Variants in EHD4 observed in about 807,000 individuals in gnomAD.
EHD4 encodes the protein EH domain-containing protein 4.
EHD4 carries 37 observed loss-of-function variants against 51.0 expected under a neutral mutation model. The ratio of observed to expected loss-of-function variants is 0.73; its 90% CI spans 0.56 to 0.95. The LOEUF (loss-of-function observed/expected upper bound fraction) is 0.95. EHD4 is among the 40% of genes least tolerant of loss of function. The probability of loss-of-function intolerance (pLI) is 0.00; values close to 1 mark genes in which losing one functional copy is unlikely to be tolerated. For missense variants in EHD4, 632 were observed against 733.1 expected (o/e 0.86, Z 1.59); for synonymous variants, 297 against 317.3 (o/e 0.94, Z 0.68).
At chr15:41,963,946 C>G (rs949020800) in intron 1 of EHD4, among the ~76,000 whole-genome samples, 3 of 151,608 alleles carry the variant, frequency 2.0e-5, no homozygotes, top group Non-Finnish European at 2.9e-5. Flanking sequence ...GAGATCGAGA[C>G]CATCCTGGCT....
intron 3 of EHD4, among the ~76,000 whole-genome samples, chr15:41,930,288 G>A (rs181230120): frequency 1.1e-3 from 172 of 152,298 alleles, no homozygotes; most frequent in African/African-American, 3.8e-3. Context: ...TTTCAAGTGG[G>A]CTTTGTGTAT....
chr15:41,955,831 T>C (rs1158566153), intron 1 of EHD4, among the ~76,000 whole-genome samples: 4 of 152,016 alleles, frequency 2.6e-5, no homozygotes, highest in Admixed American at 2.6e-4. Context: ...AATGTGGAAT[T>C]TAGGTTTTAC....
chr15:41,931,001 C>T (rs1595537176), intron 3 of EHD4, among the ~76,000 whole-genome samples: 2 of 152,172 alleles, frequency 1.3e-5, no homozygotes, highest in Non-Finnish European at 2.9e-5. Flanking sequence ...AGATGGTGGG[C>T]ATGTAAACAG....
At chr15:41,948,169 C>T (rs1488488929) in intron 2 of EHD4, among the ~76,000 whole-genome samples, 2 of 151,992 alleles carry the variant, frequency 1.3e-5, no homozygotes, top group Non-Finnish European at 2.9e-5. Flanking sequence ...CAGAGAATTG[C>T]TTGAACCCGG....
At chr15:41,903,076 C>A (rs2067488514) in intron 5 of EHD4, among the ~76,000 whole-genome samples, 1 of 151,660 alleles carries the variant, frequency 6.6e-6, no homozygotes, top group South Asian at 2.1e-4. Context: ...TGAAAAGTGT[C>A]TTCAACAGTA....
rs373780104 is a variant in EHD4, at chr15:41,919,567, G to A, written c.567C>T (p.Ile189=). The A allele has an allele frequency of 8.5e-6, 13 of 1,524,206 alleles. No individual in the cohort carries two copies. In the African/African-American group the frequency reaches 1.8e-4, roughly 21 times the overall value. The allele number at this position is 1,524,206 out of a possible 1,614,324, so 94.4% of individuals were successfully genotyped here. A position where few individuals can be genotyped will look rare whatever the true frequency, so the allele number is the denominator to read the frequency against. ...QWFAERVDRI[I]LLFDAHKLDI... ...CCAGCTTGTGAGCGTCAAAGAGCAG[G>A]ATGATCCTGTCCACCCTCTCGGCAA... The change falls in exon 4 of 6, where the codon ATC becomes ATT. Residue 189 remains isoleucine, a synonymous_variant. Coordinates refer to ENST00000220325, the MANE Select transcript of EHD4 (RefSeq NM_139265.4).
intron 1 of EHD4, among the ~76,000 whole-genome samples, chr15:41,968,341 AT>A (rs1253839534): frequency 3.3e-5 from 5 of 151,888 alleles, no homozygotes; most frequent in Non-Finnish European, 7.4e-5. Context: ...TCATACTTTG[AT>A]TTTACCAACT....
chr15:41,943,120 C>G lies in EHD4; in HGVS notation c.458G>C (p.Ser153Thr), dbSNP rs757921651. Residue 153 changes from serine (S) to threonine (T), a missense_variant, in exon 3 of 6, where the codon AGC (serine) becomes ACC (threonine). Coordinates refer to ENST00000220325, the MANE Select transcript of EHD4 (RefSeq NM_139265.4). ...AAGGATGCCGGGGCTGTCGATGACG[C>G]TGATGCTCTTCAGGACCTGATTGGG... The part of the protein sequence containing the change: ...QLPNQVLKSI[S>T]VIDSPGILSG... 1.3e-6 allele frequency: 2 copies of G among 1,594,398 alleles called. No individual in the cohort carries two copies. The highest frequency in any genetic ancestry group is 4.5e-5 in the East Asian group (2 of 44,434).
chr15:41,955,330 T>C (rs770325482), intron 1 of EHD4, among the ~76,000 whole-genome samples: 1 of 152,102 alleles, frequency 6.6e-6, no homozygotes, highest in Admixed American at 6.5e-5. Flanking sequence ...GGAAATGGAA[T>C]GCAAGCATTC....
At chr15:41,915,822 T>A (rs2067580409) in intron 4 of EHD4, among the ~76,000 whole-genome samples, 1 of 152,144 alleles carries the variant, frequency 6.6e-6, no homozygotes, top group South Asian at 2.1e-4. Flanking sequence ...TCTACTGAGA[T>A]TGTAAGAAGT....
chr15:41,904,234 G>A (rs1490616656), intron 5 of EHD4, among the ~76,000 whole-genome samples: 1 of 152,190 alleles, frequency 6.6e-6, no homozygotes, highest in Non-Finnish European at 1.5e-5. Flanking sequence ...CGTGGATTCC[G>A]ACTGCAGAGC....
chr15:41,931,765 C>T (rs1258327649), intron 3 of EHD4, among the ~76,000 whole-genome samples: 3 of 151,808 alleles, frequency 2.0e-5, no homozygotes, highest in Admixed American at 6.5e-5. Flanking sequence ...CAACCTCCAC[C>T]TCCCAGGTTC....
At chr15:41,923,680 T>C (rs1223156732) in intron 3 of EHD4, among the ~76,000 whole-genome samples, 1 of 152,196 alleles carries the variant, frequency 6.6e-6, no homozygotes, top group Non-Finnish European at 1.5e-5. Flanking sequence ...GTGGGGAAAT[T>C]GTACAGATAG....
intron 3 of EHD4, among the ~76,000 whole-genome samples, chr15:41,921,019 C>T (rs76887330): frequency 0.014 from 2,120 of 152,224 alleles, 23 homozygotes; most frequent in Non-Finnish European, 0.024. Flanking sequence ...AGAGGGTCTG[C>T]GGACTAAGGT....
intron 4 of EHD4, among the ~76,000 whole-genome samples, chr15:41,916,702 C>T (rs543072673): frequency 2.6e-5 from 4 of 152,338 alleles, no homozygotes; most frequent in African/African-American, 7.2e-5. Flanking sequence ...CCAAGGCCGC[C>T]GTGCTGAGTC....
chr15:41,948,247 C>T (rs553423918), intron 2 of EHD4, among the ~76,000 whole-genome samples: 5 of 151,788 alleles, frequency 3.3e-5, no homozygotes, highest in African/African-American at 4.8e-5. Flanking sequence ...AGCAAGACTC[C>T]GCCTCCAAAA....
intron 1 of EHD4, among the ~76,000 whole-genome samples, chr15:41,967,611 C>A (rs940399379): frequency 3.3e-5 from 5 of 152,020 alleles, no homozygotes; most frequent in African/African-American, 1.2e-4. Flanking sequence ...TAAATAGGAC[C>A]CATAGTTTTT....
intron 2 of EHD4, among the ~76,000 whole-genome samples, chr15:41,947,620 C>T (rs1054341453): frequency 7.2e-5 from 11 of 152,202 alleles, no homozygotes; most frequent in Non-Finnish European, 1.0e-4. Context: ...ACTTTGACAA[C>T]TGAACTGTAA....
chr15:41,907,963 C>T (rs1403530267), intron 5 of EHD4, among the ~76,000 whole-genome samples: 4 of 152,084 alleles, frequency 2.6e-5, no homozygotes, highest in Middle Eastern at 6.8e-3. Flanking sequence ...ACCTCTGCCT[C>T]CCAGGTTCAA....
Sources: gnomAD v4.1 joint callset for allele counts (sites outside exome capture counted in the v4.1 genomes callset) on GRCh38, gnomAD v4.1.1 for gene constraint, MANE v1.5 for transcripts, NCBI Gene and HGNC (gene_info 2026-07-23, HGNC 2026-07-21) for gene names.